ICAM3: variants seen among roughly 807,000 people sequenced by gnomAD.
ICAM3 encodes intercellular adhesion molecule 3.
In ICAM3, 54 loss-of-function variants were observed where a neutral mutation model predicts 43.6. The observed-to-expected ratio is 1.24, with a 90% CI of 0.99 to 1.55. The LOEUF (loss-of-function observed/expected upper bound fraction) is 1.55, where lower values mean the gene tolerates loss of function less well. Among genes scored for constraint, ICAM3 ranks in the 40% most tolerant of loss-of-function variants. The probability of loss-of-function intolerance (pLI) is 0.00; values close to 1 mark genes in which losing one functional copy is unlikely to be tolerated. For missense variants in ICAM3, 715 were observed against 717.9 expected, an observed-to-expected ratio of 1.00 and a Z score of 0.05; for synonymous variants, 306 against 312.6, an observed-to-expected ratio of 0.98 and a Z score of 0.22.
rs780099288 is a variant in ICAM3 at position 10,335,676 on chromosome 19, G to A, written c.644C>T (p.Thr215Ile). 2 of 1,603,154 alleles carry A rather than the reference G, an allele frequency of 1.2e-6. No individual in the cohort carries two copies. The highest frequency in any genetic ancestry group is 1.7e-6 in the Non-Finnish European group (2 of 1,174,964). Residue 215 changes from threonine to isoleucine, a missense_variant, in exon 3 of 7, where the codon ACC (threonine) becomes ATC (isoleucine). Thr to Ile is a moderately conservative substitution (Grantham distance 89, BLOSUM62 -1). Transcript: ENST00000160262. Reference protein sequence around the residue: ...VNTSAPRQLRTFVLPVTPPRL... With the variant: ...VNTSAPRQLRIFVLPVTPPRL... ...TCTGAAGCCCCTTCTCTCACCAAAG[G>A]TTCGGAGCTGGCGGGGGGCTGAGGT...
chr19:10,335,110 A>T lies in ICAM3; in HGVS notation c.893T>A (p.Leu298Gln), dbSNP rs746348254. The T allele has an allele frequency of 8.7e-6, 14 of 1,613,000 alleles. No individual in the cohort carries two copies. In the South Asian group the frequency reaches 1.4e-4, roughly 16 times the overall value. ...CCGGGCCTCCCGTCTCTCGCCCCCT[A>T]GGGTCACGTTGCAGACGATCTCCCG... Reference protein sequence around the residue: ...GAREIVCNVTLGGERREAREN... With the variant: ...GAREIVCNVTQGGERREAREN... Residue 298 changes from leucine (L) to glutamine (Q), a missense_variant, in exon 4 of 7, where the codon CTA (leucine) becomes CAA (glutamine). Coordinates refer to ENST00000160262, the MANE Select transcript of ICAM3 (RefSeq NM_002162.5).
Position 10,334,312 on chromosome 19 carries a change from T to G in ICAM3, c.1289A>C (p.Tyr430Ser), listed in dbSNP as rs1599309622. ...VLQCQARGNP[Y>S]PELRCLKEGS... ...TTCCTTCAAACACCGCAGCTCGGGG[T>G]ACGGGTTGCCCCTGGCTTGGCACTG... Residue 430 changes from tyrosine (Y) to serine (S), a missense_variant, in exon 6 of 7, where the codon TAC becomes TCC. By Grantham distance (144) the Tyr-to-Ser change is moderately radical. Coordinates refer to ENST00000160262, the MANE Select transcript of ICAM3 (RefSeq NM_002162.5). This position sits in a 1 kb window ranked among gnomAD's most constrained non-coding sequence, Gnocchi z 5.5. 6.2e-7 allele frequency: 1 copy of G among 1,614,118 alleles called. No homozygotes were observed. Among genetic ancestry groups the G allele is most frequent in the South Asian group, 1.1e-5 (1 of 91,084 alleles).
At chr19:10,335,404 G>A (rs2145097016) in intron 3 of ICAM3, 51 bp from the exon 4 acceptor site, 1 of 1,472,628 alleles carries the variant, frequency 6.8e-7, no homozygotes, top group East Asian at 2.5e-5. Flanking sequence ...GCCTTCCCCA[G>A]GACACCCTCA....
chr19:10,334,141 C>T lies in ICAM3; in HGVS notation c.1441+19G>A, dbSNP rs1325326644. ...CCCCCGGCTTACCGGTCCAGACCCG[C>T]AGCCCCGTGTTAGCTCACCCTCAAT... On this transcript the variant is annotated intron_variant, in intron 6 of 6. Coordinates refer to ENST00000160262, the MANE Select transcript of ICAM3 (RefSeq NM_002162.5). This position sits in a 1 kb window ranked among gnomAD's most constrained non-coding sequence, Gnocchi z 5.5. 1 of 1,612,024 alleles carries T rather than the reference C, an allele frequency of 6.2e-7. No individual in the cohort carries two copies. Among genetic ancestry groups the T allele is most frequent in the Non-Finnish European group, 8.5e-7 (1 of 1,178,388 alleles).
Position 10,335,107 on chromosome 19 carries a change from C to G in ICAM3, c.896G>C (p.Gly299Ala), listed in dbSNP as rs779523885. ...AREIVCNVTLGGERREARENL... is the reference protein window; with the variant it reads ...AREIVCNVTLAGERREARENL... ...CTCCCGGGCCTCCCGTCTCTCGCCC[C>G]CTAGGGTCACGTTGCAGACGATCTC... The change falls in exon 4 of 7, where the codon GGG (glycine) becomes GCG (alanine). Residue 299 changes from glycine (G) to alanine (A), a missense_variant. Coordinates refer to ENST00000160262, the MANE Select transcript of ICAM3 (RefSeq NM_002162.5). 2.5e-6 allele frequency: 4 copies of G among 1,613,716 alleles called. No individual in the cohort carries two copies. Among genetic ancestry groups the G allele is most frequent in the Non-Finnish European group, 3.4e-6 (4 of 1,179,934 alleles).
rs1219062938 is a variant in ICAM3, at chr19:10,338,810, T to C, written c.215A>G (p.Glu72Gly). Residue 72 changes from glutamate (E) to glycine (G), a missense_variant, in exon 2 of 7, where the codon GAG (glutamate) becomes GGG (glycine). Glu to Gly is a moderately conservative substitution (Grantham distance 98). Coordinates refer to ENST00000160262, the MANE Select transcript of ICAM3 (RefSeq NM_002162.5). ...KIALETSLSK[E>G]LVASGMGWAA... Reference sequence around the variant, plus strand: ...CCAGCCCATGCCACTGGCCACCAGCTCCTTTGATAGGGACGTCTCCAAGGC... The same window carrying C: ...CCAGCCCATGCCACTGGCCACCAGCCCCTTTGATAGGGACGTCTCCAAGGC... 2 of 1,614,154 alleles carry C rather than the reference T, an allele frequency of 1.2e-6. No homozygotes were observed. The highest frequency in any genetic ancestry group is 2.7e-5 in the African/African-American group (2 of 75,042).
At position 10,335,317 on chromosome 19, in the gene ICAM3, CGG is replaced by C. The variant is rs370216635; in HGVS notation, c.684_685del (p.Arg229ValfsTer84). 3.6e-5 allele frequency: 58 copies of C among 1,611,690 alleles called. No homozygotes were observed. The African/African-American group carries it at 6.7e-4, about 19-fold the overall frequency. On this transcript the variant is annotated frameshift_variant, in exon 4 of 7. Transcript: ENST00000160262. LOFTEE classifies it high-confidence loss of function. Reference sequence around the variant, plus strand: ...CCACGACGTTTCCACCTCCAAGAACCGGGGGGCCACGAGGCGCGGGGGGGTCA... The same window carrying C: ...CCACGACGTTTCCACCTCCAAGAACCGGGGCCACGAGGCGCGGGGGGGTCA...
Position 10,334,470 on chromosome 19 carries a change from G to GC in ICAM3, c.1192+57dup. On this transcript the variant is annotated intron_variant, in intron 5 of 6. Transcript: ENST00000160262. This position sits in a 1 kb window ranked among gnomAD's most constrained non-coding sequence, Gnocchi z 5.5. ...ACCCGAGGCACAGTGGTGCAGAGGA[G>GC]CGTCTAATCTTTCCAGGGCAGGGGT... 6.2e-7 allele frequency: 1 copy of GC among 1,606,744 alleles called. No individual in the cohort carries two copies. Among genetic ancestry groups the GC allele is most frequent in the Non-Finnish European group, 8.5e-7 (1 of 1,175,008 alleles).
At chr19:10,338,082 G>A (rs1193104573) in intron 2 of ICAM3, among the ~76,000 whole-genome samples, 2 of 141,040 alleles carry the variant, frequency 1.4e-5, no homozygotes, top group African/African-American at 2.7e-5. Context: ...GGGCTACAGA[G>A]TAAGAGACGC....
In ICAM3 at chr19:10,334,862, C is replaced by T; in HGVS notation, c.938-80G>A. 1 of 1,499,538 alleles carries T rather than the reference C, an allele frequency of 6.7e-7. No individual in the cohort carries two copies. Among genetic ancestry groups the T allele is most frequent in the Non-Finnish European group, 8.9e-7 (1 of 1,118,532 alleles). The allele number at this position is 1,499,538 out of a possible 1,614,324, so 92.9% of individuals were successfully genotyped here. A position where few individuals can be genotyped will look rare whatever the true frequency, so the allele number is the denominator to read the frequency against. ...AGCCGCTCCCTCCGCCCTCCCCTTT[C>T]CTCTCGGGATATCCGGGCCACGCTT... On this transcript the variant is annotated intron_variant, in intron 4 of 6. Coordinates refer to ENST00000160262, the MANE Select transcript of ICAM3 (RefSeq NM_002162.5). The surrounding 1 kb of genome is among the most constrained non-coding windows in gnomAD (Gnocchi z 5.5).
rs760927192 is a variant in ICAM3 at position 10,335,065 on chromosome 19, C to T, written c.937+1G>A. ...CGCCCCCTTCCCACGCCTCCTCTTA[C>T]TAAAGACCGTCAAGTTCTCCCGGGC... is the stretch of plus-strand genomic sequence containing the variant. On this transcript the variant is annotated splice_donor_variant, in intron 4 of 6. Transcript: ENST00000160262. LOFTEE classifies it high-confidence loss of function. The T allele has an allele frequency of 1.2e-6, 2 of 1,611,768 alleles. No individual in the cohort carries two copies. The highest frequency in any genetic ancestry group is 1.7e-6 in the Non-Finnish European group (2 of 1,178,694).
At chr19:10,336,804 C>CAAAAA (rs34119863) in intron 2 of ICAM3, among the ~76,000 whole-genome samples, 1 of 78,996 alleles carries the variant, frequency 1.3e-5, no homozygotes, top group African/African-American at 5.1e-5. Context: ...GACTCTATGT[C>CAAAAA]AAAAAAAAAA....
At chr19:10,335,548 C>T in intron 3 of ICAM3, 123 bp downstream of exon 3, 9 of 1,201,838 alleles carry the variant, frequency 7.5e-6, no homozygotes, top group Non-Finnish European at 1.0e-5. Flanking sequence ...GCCCAGTGGC[C>T]GGGGGCTTTC....
In ICAM3 at chr19:10,334,897, C is replaced by G; in HGVS notation, c.938-115G>C. The G allele has an allele frequency of 6.8e-7, 1 of 1,460,230 alleles. No homozygotes were observed. The highest frequency in any genetic ancestry group is 9.2e-7 in the Non-Finnish European group (1 of 1,089,992). 90.5% of individuals were successfully genotyped at this position (1,460,230 alleles called of 1,614,324 possible). On this transcript the variant is annotated intron_variant, in intron 4 of 6. Coordinates refer to ENST00000160262, the MANE Select transcript of ICAM3 (RefSeq NM_002162.5). This position sits in a 1 kb window ranked among gnomAD's most constrained non-coding sequence, Gnocchi z 5.5. ...TATCCGGGCCACGCTTTCGGCCGTT[C>G]AAGCCTCGCCCTCTTTCCGCGCTGT... is the stretch of plus-strand genomic sequence containing the variant.
At position 10,339,619 on chromosome 19, in the gene ICAM3, A is replaced by G. The variant is rs754545773; in HGVS notation, c.-5T>C. The stretch of plus-strand genomic sequence containing the variant: ...GGATGGTACCATGGTGGCCATTCTG[A>G]CAGAGGAAGGTGCCTTCCTGAGGTG... On this transcript the variant is annotated 5_prime_UTR_variant, in exon 1 of 7. Transcript: ENST00000160262. The G allele has an allele frequency of 1.0e-4, 164 of 1,612,986 alleles. No homozygotes were observed. In the Admixed American group the frequency reaches 2.7e-3, roughly 26 times the overall value.
chr19:10,335,839 G>A lies in ICAM3; in HGVS notation c.481C>T (p.Leu161=). The change falls in exon 3 of 7, where the codon CTG becomes TTG. Residue 161 remains leucine (L), a synonymous_variant. Coordinates refer to ENST00000160262, the MANE Select transcript of ICAM3 (RefSeq NM_002162.5). ...TCCTCCACTGCGGGCTGCCGGCTCA[G>A]CTCCTCCTCCCAGCGAAGCAGCACC... The part of the protein sequence containing the change: ...TVVLLRWEEE[L]SRQPAVEEPA... The A allele has an allele frequency of 6.2e-7, 1 of 1,611,748 alleles. No individual in the cohort carries two copies. Among genetic ancestry groups the A allele is most frequent in the Non-Finnish European group, 8.5e-7 (1 of 1,179,782 alleles).
rs371471045 is a variant in ICAM3 at position 10,335,229 on chromosome 19, C to T, written c.774G>A (p.Leu258=). Residue 258 remains leucine, a synonymous_variant, in exon 4 of 7, where the codon CTG becomes CTA. Coordinates refer to ENST00000160262, the MANE Select transcript of ICAM3 (RefSeq NM_002162.5). ...CTGTCGCATTCAGCATCTGGTCCCC[C>T]AGCGCCAGGTAGACCTGGGCCTCTG... The part of the protein sequence containing the change: ...PASEAQVYLA[L]GDQMLNATVM... 3 of 1,613,760 alleles carry T rather than the reference C, an allele frequency of 1.9e-6. No homozygotes were observed. The highest frequency in any genetic ancestry group is 2.7e-5 in the African/African-American group (2 of 74,926).
chr19:10,337,532 A>G (rs1483048603), intron 2 of ICAM3, among the ~76,000 whole-genome samples: 1 of 151,750 alleles, frequency 6.6e-6, no homozygotes, highest in Non-Finnish European at 1.5e-5. Context: ...AGACCAACCT[A>G]GGCAACATAG....
rs769274644 is a variant in ICAM3, at chr19:10,335,699, G to A, written c.621C>T (p.Thr207=). 68 of 1,607,544 alleles carry A rather than the reference G, an allele frequency of 4.2e-5. No homozygotes were observed. The highest frequency in any genetic ancestry group is 5.6e-5 in the Non-Finnish European group (66 of 1,177,538). ...QPQGLGLFVN[T]SAPRQLRTFV... is the part of the protein sequence containing the mutation. ...AGGTTCGGAGCTGGCGGGGGGCTGA[G>A]GTGTTCACGAACAGTCCCAGCCCCT... The change falls in exon 3 of 7, where the codon ACC becomes ACT. Residue 207 remains threonine (T), a synonymous_variant. Coordinates refer to ENST00000160262, the MANE Select transcript of ICAM3 (RefSeq NM_002162.5).
Sources: gnomAD v4.1 joint callset for allele counts (sites outside exome capture counted in the v4.1 genomes callset) on GRCh38, gnomAD v4.1.1 for gene constraint, Gnocchi (gnomAD v3.1) non-coding constraint, MANE v1.5 for transcripts, NCBI Gene and HGNC (gene_info 2026-07-23, HGNC 2026-07-21) for gene names.